The following LRRC37A2 variants were observed in gnomAD, a reference collection of about 807,000 sequenced individuals.
The protein encoded by LRRC37A2 is leucine rich repeat containing 37 member A2, also known as leucine-rich repeat-containing protein 37A2.
A neutral mutation model predicts 68.8 loss-of-function variants in LRRC37A2; 9 were observed. The ratio of observed to expected loss-of-function variants is 0.13; its 90% CI spans 0.08 to 0.23. The LOEUF (loss-of-function observed/expected upper bound fraction) is 0.23. Ranked by LOEUF, LRRC37A2 falls within the 10% of genes least tolerant of loss-of-function variation. LRRC37A2 has a pLI of 1.00. For synonymous variants in LRRC37A2, 63 were observed against 367.6 expected (o/e 0.17, Z 9.48); for missense variants, 168 against 950.4 (o/e 0.18, Z 10.82).
the LRRC37A2 span, among the ~76,000 whole-genome samples, chr17:46,501,162 A>G: frequency 3.3e-5 from 5 of 151,258 alleles, no homozygotes; most frequent in African/African-American, 1.2e-4. Flanking sequence ...GTAGCTAGGT[A>G]CAAGCCACCA....
At chr17:46,392,431 C>CTCTTTCTTTCTT in the LRRC37A2 span, among the ~76,000 whole-genome samples, 1,337 of 29,536 alleles carry the variant, frequency 0.045, 303 homozygotes, top group East Asian at 0.096. Context: ...CTTTCTTTCT[C>CTCTTTCTTTCTT]TCTTTCTTTC....
At chr17:46,840,247 C>T in the LRRC37A2 span, among the ~76,000 whole-genome samples, 21 of 151,924 alleles carry the variant, frequency 1.4e-4, no homozygotes, top group East Asian at 2.3e-3. Context: ...ACACCACGCC[C>T]GGCTAATTTT....
chr17:46,530,437 A>G (rs1354672279), intron 6 of LRRC37A2, among the ~76,000 whole-genome samples: 1 of 143,880 alleles, frequency 7.0e-6, no homozygotes, highest in Non-Finnish European at 1.5e-5. Flanking sequence ...TGGCACTGAA[A>G]AACCATCTGG....
chr17:47,035,917 T>G, the LRRC37A2 span, among the ~76,000 whole-genome samples: 1 of 152,206 alleles, frequency 6.6e-6, no homozygotes, highest in Non-Finnish European at 1.5e-5. Flanking sequence ...TTTAAGACAT[T>G]CAACATTTTT....
the LRRC37A2 span, among the ~76,000 whole-genome samples, chr17:47,000,096 T>TAAAATAAAATATAAAATAAAAATAA: frequency 1.7e-5 from 2 of 114,822 alleles, no homozygotes; most frequent in African/African-American, 6.0e-5. Flanking sequence ...TAAAATAAAA[T>TAAAATAAAATATAAAATAAAAATAA]AAAATAAAAT....
At position 46,534,888 on chromosome 17, in the gene LRRC37A2, C is replaced by T. The variant is rs1428511953; in HGVS notation, c.2907-5288C>T. 3.3e-4 allele frequency among the ~76,000 whole-genome samples: 50 copies of T among 149,508 alleles called. 1 individual carries two copies. The East Asian group carries it at 5.3e-3, about 16-fold the overall frequency. ...GCAGAGGGGCTCCTCACTTCTCAGA[C>T]GGGGCGGCTGCTGGGCGGAGGGGCT... On this transcript the variant is annotated intron_variant, in intron 6 of 14. Transcript: ENST00000576629.
At chr17:46,708,474 A>G in the LRRC37A2 span, among the ~76,000 whole-genome samples, 1 of 150,246 alleles carries the variant, frequency 6.7e-6, no homozygotes, top group African/African-American at 2.4e-5. Context: ...ATGCTTATCA[A>G]CCATTTGTTA....
the LRRC37A2 span, among the ~76,000 whole-genome samples, chr17:46,819,239 C>T: frequency 6.6e-6 from 1 of 152,166 alleles, no homozygotes; most frequent in Non-Finnish European, 1.5e-5. The surrounding 1 kb of genome is among the most constrained non-coding windows in gnomAD (Gnocchi z 5.3). Context: ...TCTGGCCTCT[C>T]GTCCTGGCCG....
chr17:46,891,845 A>T, the LRRC37A2 span, among the ~76,000 whole-genome samples: 1 of 152,044 alleles, frequency 6.6e-6, no homozygotes, highest in East Asian at 1.9e-4. Context: ...GTTTCTAGTG[A>T]AGGTTAATGG....
chr17:46,753,673 C>T, the LRRC37A2 span, among the ~76,000 whole-genome samples: 2 of 152,032 alleles, frequency 1.3e-5, no homozygotes, highest in East Asian at 3.9e-4. Flanking sequence ...ATCCCTTTCC[C>T]TTCCTTTGAT....
the LRRC37A2 span, chr17:46,930,540 G>A: frequency 6.5e-6 from 1 of 153,388 alleles, no homozygotes; most frequent in South Asian, 2.1e-4. Context: ...TTATTTTGGG[G>A]ACGTCAACAT....
chr17:46,990,876 G>A, the LRRC37A2 span, among the ~76,000 whole-genome samples: 1 of 152,098 alleles, frequency 6.6e-6, no homozygotes, highest in Non-Finnish European at 1.5e-5. Flanking sequence ...TCACCATGTT[G>A]TCCAGGCTGA....
At chr17:46,904,844 T>C in the LRRC37A2 span, among the ~76,000 whole-genome samples, 1 of 152,168 alleles carries the variant, frequency 6.6e-6, no homozygotes, top group Non-Finnish European at 1.5e-5. Context: ...AACAGTGTCC[T>C]TGCCTGGGGT....
chr17:46,583,350 C>T, the LRRC37A2 span, among the ~76,000 whole-genome samples: 4 of 77,816 alleles, frequency 5.1e-5, 2 homozygotes, highest in Non-Finnish European at 1.4e-4. Flanking sequence ...GGCTGGAGTG[C>T]GGTGGCACAA....
At chr17:46,751,264 A>G in the LRRC37A2 span, among the ~76,000 whole-genome samples, 2 of 152,328 alleles carry the variant, frequency 1.3e-5, no homozygotes, top group South Asian at 2.1e-4. Context: ...CCCAGAAAAT[A>G]TAAGTTACAT....
chr17:46,721,386 CA>C, the LRRC37A2 span, among the ~76,000 whole-genome samples: 5 of 152,182 alleles, frequency 3.3e-5, no homozygotes, highest in Admixed American at 2.0e-4. Flanking sequence ...CTCTTTCCCA[CA>C]TTGTTTCCTT....
the LRRC37A2 span, among the ~76,000 whole-genome samples, chr17:46,717,678 C>T: frequency 6.6e-6 from 1 of 152,152 alleles, no homozygotes; most frequent in African/African-American, 2.4e-5. Flanking sequence ...CACCACTGCA[C>T]TCCAGCCTGG....
chr17:46,937,800 T>C, the LRRC37A2 span: 3 of 152,302 alleles, frequency 2.0e-5, no homozygotes, highest in African/African-American at 7.2e-5. Context: ...CAGTATTCCA[T>C]TGGTACAGGT....
the LRRC37A2 span, among the ~76,000 whole-genome samples, chr17:46,657,353 A>G: frequency 6.6e-6 from 1 of 151,944 alleles, no homozygotes; most frequent in Non-Finnish European, 1.5e-5. Flanking sequence ...AAATAGAAAT[A>G]TAAAAAATAT....
Sources: gnomAD v4.1 joint callset for allele counts (sites outside exome capture counted in the v4.1 genomes callset) on GRCh38, gnomAD v4.1.1 for gene constraint, Gnocchi (gnomAD v3.1) non-coding constraint, MANE v1.5 for transcripts, NCBI Gene and HGNC (gene_info 2026-07-23, HGNC 2026-07-21) for gene names.